Variants in ITPR1 observed in about 807,000 individuals in gnomAD.
The protein encoded by ITPR1 is inositol 1,4,5-trisphosphate receptor type 1.
Under a neutral mutation model 318.4 loss-of-function variants are expected in ITPR1, and 96 were observed. The ratio of observed to expected loss-of-function variants is 0.30; its 90% confidence interval spans 0.26 to 0.36. The LOEUF is 0.36. ITPR1 is among the 10% of genes least tolerant of loss of function. The pLI, the probability that ITPR1 is intolerant of heterozygous loss-of-function variation, is 1.00. For synonymous variants in ITPR1, 1,312 were observed against 1,289.9 expected (o/e 1.02, Z -0.37); for missense variants, 2,440 against 3,460.2 (o/e 0.71, Z 7.40).
chr3:4,650,887 T>C (rs927545499), intron 10 of ITPR1, among the ~76,000 whole-genome samples: 11 of 152,208 alleles, frequency 7.2e-5, no homozygotes, highest in Non-Finnish European at 1.3e-4. Flanking sequence ...AACATTGTAA[T>C]ACAAGTTTGT....
At chr3:4,727,441 T>C (rs1344792427) in intron 42 of ITPR1, among the ~76,000 whole-genome samples, 1 of 152,198 alleles carries the variant, frequency 6.6e-6, no homozygotes, top group Non-Finnish European at 1.5e-5. Context: ...TGTGGTGGCT[T>C]TCTATTTAGG....
At chr3:4,685,543 G>A (rs2094378538) in intron 30 of ITPR1, among the ~76,000 whole-genome samples, 1 of 152,314 alleles carries the variant, frequency 6.6e-6, no homozygotes, top group East Asian at 1.9e-4. Context: ...AATTTCATTT[G>A]CAATGTGACT....
intron 4 of ITPR1, among the ~76,000 whole-genome samples, chr3:4,592,470 G>A (rs2090467787): frequency 6.6e-6 from 1 of 151,902 alleles, no homozygotes; most frequent in African/African-American, 2.4e-5. Flanking sequence ...GTGGCCTTTG[G>A]ATTAATCATG....
At chr3:4,758,416 G>T (rs1396961381) in intron 44 of ITPR1, among the ~76,000 whole-genome samples, 3 of 152,204 alleles carry the variant, frequency 2.0e-5, no homozygotes, top group Non-Finnish European at 4.4e-5. Flanking sequence ...GCCCTGTCTT[G>T]CAGCTAAGAT....
intron 31 of ITPR1, 53 bp downstream of exon 31, chr3:4,688,673 G>T (rs1359934122): frequency 6.4e-7 from 1 of 1,570,300 alleles, no homozygotes; most frequent in African/African-American, 1.3e-5. Flanking sequence ...GCAGGGAAGA[G>T]GGAGGAGGAA....
chr3:4,542,263 G>A (rs1023864629), intron 4 of ITPR1, among the ~76,000 whole-genome samples: 3 of 152,020 alleles, frequency 2.0e-5, no homozygotes, highest in Non-Finnish European at 2.9e-5. Context: ...TTCTGAAAAT[G>A]GTATCTTATT....
At chr3:4,702,162 G>A (rs2094669272) in intron 35 of ITPR1, among the ~76,000 whole-genome samples, 1 of 152,150 alleles carries the variant, frequency 6.6e-6, no homozygotes, top group Admixed American at 6.5e-5. Flanking sequence ...GTGGATGTTT[G>A]AGTACTCTTA....
At position 4,721,172 on chromosome 3, in the gene ITPR1, G is replaced by GTGTATA. The variant is rs1356149562; in HGVS notation, c.5136+3774_5136+3775insGTATAT. On this transcript the variant is annotated intron_variant, in intron 40 of 61. Transcript: ENST00000649015. ...TGTGTGTAGATACGTGTGTGTGCGT[G>GTGTATA]TATATATATATATATATATATATAT... Among the ~76,000 whole-genome samples the GTGTATA allele has an allele frequency of 8.1e-3, 1,010 of 125,058 alleles. 18 individuals carry two copies. Among genetic ancestry groups the GTGTATA allele is most frequent in the Admixed American group, 0.015 (194 of 12,686 alleles). The allele number at this position is 125,058 out of a possible 152,430, so 82.0% of individuals were successfully genotyped here.
chr3:4,557,806 CTAAATG>C (rs1428464196), intron 4 of ITPR1, among the ~76,000 whole-genome samples: 1 of 151,888 alleles, frequency 6.6e-6, no homozygotes, highest in African/African-American at 2.4e-5. Context: ...CCCAATTATT[CTAAATG>C]TAAATGTAAT....
chr3:4,571,723 C>T (rs747805379), intron 4 of ITPR1, among the ~76,000 whole-genome samples: 1 of 152,158 alleles, frequency 6.6e-6, no homozygotes, highest in South Asian at 2.1e-4. Flanking sequence ...GAAACCCACT[C>T]AAGTTGCTTG....
At chr3:4,521,339 T>G (rs1337776284) in intron 4 of ITPR1, among the ~76,000 whole-genome samples, 2 of 152,220 alleles carry the variant, frequency 1.3e-5, no homozygotes, top group Non-Finnish European at 2.9e-5. Flanking sequence ...AAGTGCTAAT[T>G]CGGTTTAAAG....
intron 5 of ITPR1, among the ~76,000 whole-genome samples, chr3:4,628,878 A>G (rs988903067): frequency 1.3e-5 from 2 of 152,238 alleles, no homozygotes; most frequent in Non-Finnish European, 2.9e-5. Context: ...AAGCACCTCA[A>G]GAGGTCCTGC....
chr3:4,586,678 T>C (rs961675981), intron 4 of ITPR1, among the ~76,000 whole-genome samples: 1 of 151,932 alleles, frequency 6.6e-6, no homozygotes, highest in Non-Finnish European at 1.5e-5. Context: ...CCAGCTAATT[T>C]TTTAATTTTC....
intron 17 of ITPR1, among the ~76,000 whole-genome samples, chr3:4,666,872 G>A (rs2093959009): frequency 6.6e-6 from 1 of 152,132 alleles, no homozygotes; most frequent in Non-Finnish European, 1.5e-5. Flanking sequence ...ATTTTCTTAG[G>A]TATTTATTCC....
At chr3:4,531,073 T>C (rs1247288382) in intron 4 of ITPR1, among the ~76,000 whole-genome samples, 2 of 152,108 alleles carry the variant, frequency 1.3e-5, no homozygotes, top group African/African-American at 4.8e-5. Flanking sequence ...TACTGTTATG[T>C]CCCCATTTTA....
intron 4 of ITPR1, among the ~76,000 whole-genome samples, chr3:4,570,425 T>C (rs1049254131): frequency 1.3e-5 from 2 of 152,188 alleles, no homozygotes; most frequent in African/African-American, 4.8e-5. Flanking sequence ...CAATTACAAG[T>C]AGACCATGTA....
chr3:4,584,092 T>C (rs1369532454), intron 4 of ITPR1, among the ~76,000 whole-genome samples: 3 of 152,340 alleles, frequency 2.0e-5, no homozygotes, highest in African/African-American at 7.2e-5. Context: ...AAGAAACACA[T>C]AATTTTGCTC....
chr3:4,783,932 G>T lies in ITPR1; in HGVS notation c.6615+12G>T, dbSNP rs2046996541. On this transcript the variant is annotated intron_variant, in intron 51 of 61. Coordinates refer to ENST00000649015, the MANE Select transcript of ITPR1 (RefSeq NM_001378452.1). ...CGGCGCAGATAGAGGTAAAAGCTGAGTAAACTCAGGGCATGGGGTTGTGTT... is the reference window on the plus strand; with the variant it reads ...CGGCGCAGATAGAGGTAAAAGCTGATTAAACTCAGGGCATGGGGTTGTGTT... 6.4e-7 allele frequency: 1 copy of T among 1,573,422 alleles called. No individual in the cohort carries two copies. The highest frequency in any genetic ancestry group is 1.4e-5 in the African/African-American group (1 of 74,070).
intron 44 of ITPR1, among the ~76,000 whole-genome samples, chr3:4,746,956 C>T (rs1275758004): frequency 6.6e-6 from 1 of 152,210 alleles, no homozygotes; most frequent in African/African-American, 2.4e-5. Flanking sequence ...GAAGTTCTGA[C>T]CCAGTGTGGC....
Sources: gnomAD v4.1 joint callset for allele counts (sites outside exome capture counted in the v4.1 genomes callset) on GRCh38, gnomAD v4.1.1 for gene constraint, MANE v1.5 for transcripts, NCBI Gene and HGNC (gene_info 2026-07-23, HGNC 2026-07-21) for gene names.